Variants in HSD17B10 observed in about 807,000 individuals in gnomAD.
The protein encoded by HSD17B10 is hydroxysteroid 17-beta dehydrogenase 10.
For missense variants in HSD17B10, 87 were observed against 219.4 expected, an observed-to-expected ratio of 0.40 and a Z score of 3.81; for synonymous variants, 90 against 85.9, an observed-to-expected ratio of 1.05 and a Z score of -0.26.
At position 53,432,341 on chromosome X, in the gene HSD17B10, G is replaced by A; in HGVS notation, c.263C>T (p.Ala88Val). The A allele has an allele frequency of 8.3e-7, 1 of 1,209,934 alleles. No individual in the cohort carries two copies. Among genetic ancestry groups the A allele is most frequent in the Non-Finnish European group, 1.1e-6 (1 of 893,959 alleles). Residue 88 changes from alanine (A) to valine (V), a missense_variant, in exon 3 of 6, where the codon GCT (alanine) becomes GTT (valine). Ala to Val is a moderately conservative substitution (Grantham distance 64). Transcript: ENST00000168216. ...CACCGCGATGCCTGCACAGTTGACAGCTACATCCACACGGCCAAACTTTCC... is the reference window on the plus strand; with the variant it reads ...CACCGCGATGCCTGCACAGTTGACAACTACATCCACACGGCCAAACTTTCC... ...AKGKFGRVDV[A>V]VNCAGIAVAS...
chrX:53,431,303 A>G lies in HSD17B10; in HGVS notation c.*101T>C. 1.3e-6 allele frequency: 1 copy of G among 783,198 alleles called. No homozygotes were observed. The allele number at this position is 783,198 out of a possible 1,213,427, so 64.5% of individuals were successfully genotyped here. On this transcript the variant is annotated 3_prime_UTR_variant, in exon 6 of 6. Coordinates refer to ENST00000168216, the MANE Select transcript of HSD17B10 (RefSeq NM_004493.3). Reference sequence around the variant, plus strand: ...TTATTAGGCACAGAGGGCGACTGGTAGGCAGTTACAAAATGGCTACTGGGC... The same window carrying G: ...TTATTAGGCACAGAGGGCGACTGGTGGGCAGTTACAAAATGGCTACTGGGC...
chrX:53,433,649 A>AC, intron 2 of HSD17B10, 73 bp downstream of exon 2: 1 of 1,015,717 alleles, frequency 9.8e-7, no homozygotes, highest in Non-Finnish European at 1.4e-6. Flanking sequence ...TATGGGAGGG[A>AC]CCCCCACAGG....
rs782705686 is a variant in HSD17B10 at position 53,432,300 on chromosome X, T to C, written c.304A>G (p.Asn102Asp). 1 of 1,211,413 alleles carries C rather than the reference T, an allele frequency of 8.3e-7. No individual in the cohort carries two copies. Among genetic ancestry groups the C allele is most frequent in the Non-Finnish European group, 1.1e-6 (1 of 895,185 alleles). Residue 102 changes from asparagine (N) to aspartate (D), a missense_variant, in exon 3 of 6, where the codon AAC becomes GAC. Transcript: ENST00000168216. Reference protein sequence around the residue: ...AGIAVASKTYNLKKGQTHTLE... With the variant: ...AGIAVASKTYDLKKGQTHTLE... ...GTATGGGTCTGGCCCTTCTTTAAGT[T>C]GTACGTCTTGCTAGCCACCGCGATG...
intron 1 of HSD17B10, 71 bp downstream of exon 1, chrX:53,434,248 C>T (rs1408107553): frequency 2.2e-5 from 24 of 1,092,663 alleles, no homozygotes; most frequent in Non-Finnish European, 2.9e-5. Flanking sequence ...CGATCTCTTT[C>T]TCCTAGTTCC....
chrX:53,433,914 G>A lies in HSD17B10; in HGVS notation c.28-28C>T, dbSNP rs782283907. Reference sequence around the variant, plus strand: ...GTCAAAAGGGACATGGTCAGGGTCAGCTGTTACATTGCCCAGACCATCCCC... The same window carrying A: ...GTCAAAAGGGACATGGTCAGGGTCAACTGTTACATTGCCCAGACCATCCCC... On this transcript the variant is annotated intron_variant, in intron 1 of 5. Transcript: ENST00000168216. 100 of 1,196,225 alleles carry A rather than the reference G, an allele frequency of 8.4e-5. No homozygotes were observed. The East Asian group carries it at 2.9e-3, about 35-fold the overall frequency.
intron 3 of HSD17B10, 51 bp from the exon 4 acceptor site, chrX:53,432,167 T>TGTCCCCTAAAAACTTTGGG: frequency 8.3e-7 from 1 of 1,210,656 alleles, no homozygotes; most frequent in Non-Finnish European, 1.1e-6. Context: ...AAGAAGCCTT[T>TGTCCCCTAAAAACTTTGGG]GTCCCCTAAA....
chrX:53,433,517 C>T (rs180714740), intron 2 of HSD17B10, among the ~76,000 whole-genome samples: 372 of 112,623 alleles, frequency 3.3e-3, no homozygotes, highest in South Asian at 6.2e-3. Context: ...GTCCAATCCC[C>T]ATCCTCATTG....
chrX:53,434,263 C>T, intron 1 of HSD17B10, 56 bp downstream of exon 1: 15 of 1,132,718 alleles, frequency 1.3e-5, no homozygotes, highest in Non-Finnish European at 1.7e-5. Flanking sequence ...AGTTCCACGG[C>T]CGCGCTGTCC....
In HSD17B10 at chrX:53,432,030, C is replaced by G. The variant is rs781883925; in HGVS notation, c.444G>C (p.Gly148=). 7 of 1,211,490 alleles carry G rather than the reference C, an allele frequency of 5.8e-6. No individual in the cohort carries two copies. Among genetic ancestry groups the G allele is most frequent in the Non-Finnish European group, 6.7e-6 (6 of 895,359 alleles). ...CCACACTGGCAGTGTTGATGATGAC[C>G]CCACGTTGGCCTCCCTGGTCTGGTT... The part of the protein sequence containing the change: ...QNEPDQGGQR[G]VIINTASVAA... Residue 148 remains glycine (G), a synonymous_variant, in exon 4 of 6, where the codon GGG becomes GGC. Coordinates refer to ENST00000168216, the MANE Select transcript of HSD17B10 (RefSeq NM_004493.3).
In HSD17B10 at chrX:53,433,816, T is replaced by C. The variant is rs782748623; in HGVS notation, c.98A>G (p.Gln33Arg). 2 of 1,210,312 alleles carry C rather than the reference T, an allele frequency of 1.7e-6. No homozygotes were observed. The highest frequency in any genetic ancestry group is 2.2e-5 in the Admixed American group (1 of 46,013). The change falls in exon 2 of 6, where the codon CAG becomes CGG. Residue 33 changes from glutamine (Q) to arginine (R), a missense_variant. Transcript: ENST00000168216. ...GTCCAGAAGCACAGCAGAGGCTCCCTGCCCCACAAGTCGCTCCGCCGTGGC... is the reference window on the plus strand; with the variant it reads ...GTCCAGAAGCACAGCAGAGGCTCCCCGCCCCACAAGTCGCTCCGCCGTGGC... ...GLATAERLVG[Q>R]GASAVLLDLP...
intron 1 of HSD17B10, 95 bp downstream of exon 1, chrX:53,434,224 C>G: frequency 9.7e-7 from 1 of 1,027,334 alleles, no homozygotes. Flanking sequence ...AAGCATGACC[C>G]TTTCCCTCGA....
chrX:53,434,203 C>T, intron 1 of HSD17B10, 116 bp downstream of exon 1: 1 of 886,478 alleles, frequency 1.1e-6, no homozygotes, highest in Admixed American at 2.6e-5. Context: ...GCCACAATAC[C>T]AGGCCTACAT....
chrX:53,433,737 A>G lies in HSD17B10; in HGVS notation c.177T>C (p.Val59=), dbSNP rs945465107. 5 of 1,205,948 alleles carry G rather than the reference A, an allele frequency of 4.1e-6. No individual in the cohort carries two copies. The African/African-American group carries it at 8.7e-5, about 21-fold the overall frequency. ...CCCCACTTACGTCGGCTGGGGCGAA[A>G]ACGCAGTTGTTTCCTAACTTCTTGG... ...AQAKKLGNNC[V]FAPADVTSEK... The change falls in exon 2 of 6, where the codon GTT becomes GTC. Residue 59 remains valine (V), a synonymous_variant. Coordinates refer to ENST00000168216, the MANE Select transcript of HSD17B10 (RefSeq NM_004493.3).
intron 1 of HSD17B10, chrX:53,434,106 T>C (rs782271217): frequency 5.4e-6 from 3 of 556,764 alleles, no homozygotes; most frequent in South Asian, 2.5e-5. Context: ...GATAGATAGA[T>C]AGATGATTGA....
Position 53,433,730 on chromosome X carries a change from G to T in HSD17B10, c.184C>A (p.Pro62Thr). 1 of 1,204,961 alleles carries T rather than the reference G, an allele frequency of 8.3e-7. No individual in the cohort carries two copies. The highest frequency in any genetic ancestry group is 3.0e-5 in the East Asian group (1 of 33,502). ...GAGGTGACCCCACTTACGTCGGCTG[G>T]GGCGAAAACGCAGTTGTTTCCTAAC... ...KKLGNNCVFAPADVTSEKDVQ... is the reference protein window; with the variant it reads ...KKLGNNCVFATADVTSEKDVQ... Residue 62 changes from proline to threonine, a missense_variant, in exon 2 of 6, where the codon CCA (proline) becomes ACA (threonine). Physicochemically the swap from Pro to Thr is conservative, Grantham distance 38. Transcript: ENST00000168216.
Position 53,431,283 on chromosome X carries a change from A to T in HSD17B10, c.*121T>A. On this transcript the variant is annotated 3_prime_UTR_variant, in exon 6 of 6. Transcript: ENST00000168216. Reference sequence around the variant, plus strand: ...CTCTGTGAGAAAAAGAGACTTTATTAGGCACAGAGGGCGACTGGTAGGCAG... The same window carrying T: ...CTCTGTGAGAAAAAGAGACTTTATTTGGCACAGAGGGCGACTGGTAGGCAG... 1.4e-6 allele frequency: 1 copy of T among 697,284 alleles called. No individual in the cohort carries two copies. The highest frequency in any genetic ancestry group is 2.2e-6 in the Non-Finnish European group (1 of 447,810). The allele number at this position is 697,284 out of a possible 1,213,427, so 57.5% of individuals were successfully genotyped here.
rs200274641 is a variant in HSD17B10 at position 53,433,817 on chromosome X, G to C, written c.97C>G (p.Gln33Glu). 8.3e-7 allele frequency: 1 copy of C among 1,210,058 alleles called. No homozygotes were observed. Among genetic ancestry groups the C allele is most frequent in the African/African-American group, 1.7e-5 (1 of 57,684 alleles). The change falls in exon 2 of 6, where the codon CAG (glutamine) becomes GAG (glutamate). Residue 33 changes from glutamine (Q) to glutamate (E), a missense_variant. Transcript: ENST00000168216. Reference protein sequence around the residue: ...GLATAERLVGQGASAVLLDLP... With the variant: ...GLATAERLVGEGASAVLLDLP... Reference sequence around the variant, plus strand: ...TCCAGAAGCACAGCAGAGGCTCCCTGCCCCACAAGTCGCTCCGCCGTGGCC... The same window carrying C: ...TCCAGAAGCACAGCAGAGGCTCCCTCCCCCACAAGTCGCTCCGCCGTGGCC...
intron 2 of HSD17B10, chrX:53,432,628 T>C (rs1556894717): frequency 2.3e-6 from 1 of 426,571 alleles, no homozygotes; most frequent in Non-Finnish European, 4.2e-6. Flanking sequence ...GGCTGGTGGA[T>C]CACTTAAGAT....
In HSD17B10 at chrX:53,434,075, CCA is replaced by C. The variant is rs1556894986; in HGVS notation, c.28-191_28-190del. 3 of 563,917 alleles carry C rather than the reference CCA, an allele frequency of 5.3e-6. No individual in the cohort carries two copies. The East Asian group carries it at 1.1e-4, about 20-fold the overall frequency. 46.5% of individuals were successfully genotyped at this position (563,917 alleles called of 1,213,427 possible). On this transcript the variant is annotated intron_variant, in intron 1 of 5. Transcript: ENST00000168216. ...CTCGGGGGCAGAAGGGATCTCATCC[CCA>C]GACAGCCCGTCCCGTGACGATAGAT...
Sources: gnomAD v4.1 joint callset for allele counts (sites outside exome capture counted in the v4.1 genomes callset) on GRCh38, gnomAD v4.1.1 for gene constraint, MANE v1.5 for transcripts, NCBI Gene and HGNC (gene_info 2026-07-23, HGNC 2026-07-21) for gene names.